Variants in TMEM35A observed in about 807,000 individuals in gnomAD.
TMEM35A encodes transmembrane protein 35A.
For synonymous variants in TMEM35A, 50 were observed against 54.7 expected (o/e 0.91, Z 0.38); for missense variants, 83 against 132.7 (o/e 0.63, Z 1.84).
chrX:101,079,404 C>T (rs762537121), intron 1 of TMEM35A, among the ~76,000 whole-genome samples: 1 of 111,618 alleles, frequency 9.0e-6, no homozygotes, highest in African/African-American at 3.2e-5. Context: ...TGCGTAGCAC[C>T]TGTCATTGGC....
chrX:101,079,274 C>A (rs2089284903), intron 1 of TMEM35A, 152 bp downstream of exon 1: 1 of 676,587 alleles, frequency 1.5e-6, no homozygotes, highest in Non-Finnish European at 2.2e-6. Flanking sequence ...TCGGAAGGAG[C>A]AGCTGGGCAA....
chrX:101,090,078 A>G (rs1207544217), intron 1 of TMEM35A, among the ~76,000 whole-genome samples: 1 of 110,913 alleles, frequency 9.0e-6, no homozygotes, highest in Non-Finnish European at 1.9e-5. Flanking sequence ...CTTGGTGTCC[A>G]TGACCTGGTC....
intron 1 of TMEM35A, among the ~76,000 whole-genome samples, chrX:101,089,587 A>G (rs1204874890): frequency 9.3e-6 from 1 of 108,044 alleles, no homozygotes; most frequent in African/African-American, 3.4e-5. Context: ...CTAAAAAAAA[A>G]AAAAAAAAAA....
intron 1 of TMEM35A, among the ~76,000 whole-genome samples, chrX:101,088,224 A>G (rs974261544): frequency 9.0e-6 from 1 of 111,235 alleles, no homozygotes; most frequent in Non-Finnish European, 1.9e-5. Context: ...AAAAAACAAA[A>G]CAACTCATCC....
At chrX:101,079,227 C>A in intron 1 of TMEM35A, 105 bp downstream of exon 1, 8 of 985,459 alleles carry the variant, frequency 8.1e-6, no homozygotes, top group Non-Finnish European at 1.1e-5. Flanking sequence ...TAGCCCCTAT[C>A]CCCACCTGGA....
chrX:101,094,496 C>T, intron 1 of TMEM35A, 77 bp from the exon 2 acceptor site: 2 of 1,052,548 alleles, frequency 1.9e-6, no homozygotes, highest in Admixed American at 6.0e-5. Context: ...GGGGAGAGGA[C>T]TCTGCTTGTG....
At chrX:101,092,705 C>CA (rs753771541) in intron 1 of TMEM35A, among the ~76,000 whole-genome samples, 920 of 85,286 alleles carry the variant, frequency 0.011, 9 homozygotes, top group African/African-American at 0.025. Flanking sequence ...ACTAAAAATA[C>CA]AAAAAAAAAA....
chrX:101,081,298 G>C (rs755208182), intron 1 of TMEM35A, among the ~76,000 whole-genome samples: 3 of 112,125 alleles, frequency 2.7e-5, no homozygotes, highest in Admixed American at 9.5e-5. Context: ...ATTGAGCATC[G>C]GGCCATAGAC....
At chrX:101,083,151 A>C (rs2089297517) in intron 1 of TMEM35A, among the ~76,000 whole-genome samples, 1 of 111,912 alleles carries the variant, frequency 8.9e-6, no homozygotes, top group Non-Finnish European at 1.9e-5. Context: ...GTATCATTAT[A>C]GAGTACTCTA....
At chrX:101,094,326 A>G (rs144475509) in intron 1 of TMEM35A, 16,609 of 251,911 alleles carry the variant, frequency 0.066, 583 homozygotes, top group Non-Finnish European at 0.085. Flanking sequence ...ATGTTGGCCA[A>G]GCTGTCTCCA....
Position 101,095,195 on chromosome X carries a change from T to C in TMEM35A, c.*239T>C. The C allele has an allele frequency of 2.7e-6, 1 of 369,076 alleles. No homozygotes were observed. The highest frequency in any genetic ancestry group is 4.6e-6 in the Non-Finnish European group (1 of 215,129). The allele number at this position is 369,076 out of a possible 1,213,427, so 30.4% of individuals were successfully genotyped here. On this transcript the variant is annotated 3_prime_UTR_variant, in exon 2 of 2. Transcript: ENST00000372930. ...ACTCTCACATCTTGCTGCATGTACATGTATACGGCTACTATTGAAGTGTAA... is the reference window on the plus strand; with the variant it reads ...ACTCTCACATCTTGCTGCATGTACACGTATACGGCTACTATTGAAGTGTAA...
At chrX:101,087,248 G>A (rs773055122) in intron 1 of TMEM35A, among the ~76,000 whole-genome samples, 24 of 112,056 alleles carry the variant, frequency 2.1e-4, no homozygotes, top group African/African-American at 7.1e-4. Context: ...GAGCCACTGC[G>A]CCCGGCCAAT....
chrX:101,094,863 C>T lies in TMEM35A; in HGVS notation c.411C>T (p.Asp137=). The change falls in exon 2 of 2, where the codon GAC becomes GAT. Residue 137 remains aspartate, a synonymous_variant. Coordinates refer to ENST00000372930, the MANE Select transcript of TMEM35A (RefSeq NM_021637.3). ...TGCTGATTGCTCGCAAGCCCGAAGA[C>T]CGGTCTTCTGAGAAGAAGCCTTTGC... The part of the protein sequence containing the change: ...CRLLIARKPE[D]RSSEKKPLPG... 2 of 1,210,418 alleles carry T rather than the reference C, an allele frequency of 1.7e-6. No homozygotes were observed. The highest frequency in any genetic ancestry group is 1.8e-5 in the South Asian group (1 of 56,965).
chrX:101,081,432 T>C (rs1235847287), intron 1 of TMEM35A: 1 of 112,326 alleles, frequency 8.9e-6, no homozygotes, highest in Non-Finnish European at 1.9e-5. Context: ...TCAATATGTA[T>C]TTGTGGAGTG....
At chrX:101,091,128 A>C (rs770916346) in intron 1 of TMEM35A, among the ~76,000 whole-genome samples, 1 of 110,457 alleles carries the variant, frequency 9.1e-6, no homozygotes, top group East Asian at 2.9e-4. Flanking sequence ...GGCGTGAGAC[A>C]CTGCACCCGG....
intron 1 of TMEM35A, among the ~76,000 whole-genome samples, chrX:101,080,035 C>T (rs1056664401): frequency 1.8e-5 from 2 of 111,792 alleles, no homozygotes; most frequent in African/African-American, 6.5e-5. Flanking sequence ...GTTTCCAGCA[C>T]TTTCGGGTCT....
At chrX:101,084,899 GAAAAAAAAC>G (rs971580409) in intron 1 of TMEM35A, among the ~76,000 whole-genome samples, 4 of 108,687 alleles carry the variant, frequency 3.7e-5, no homozygotes, top group Non-Finnish European at 7.7e-5. Context: ...AAAACAAAAA[GAAAAAAAAC>G]AAAAAAAACC....
chrX:101,087,033 T>C (rs1293659566), intron 1 of TMEM35A, among the ~76,000 whole-genome samples: 1 of 103,631 alleles, frequency 9.6e-6, no homozygotes, highest in African/African-American at 3.5e-5. Context: ...CTCGGCTCAC[T>C]GCGGCCTCTG....
intron 1 of TMEM35A, among the ~76,000 whole-genome samples, chrX:101,088,763 G>A (rs1214460816): frequency 9.1e-6 from 1 of 110,227 alleles, no homozygotes; most frequent in Non-Finnish European, 1.9e-5. Context: ...AAAATTAGCT[G>A]GATGTGGGGT....
Sources: allele counts gnomAD v4.1 joint callset (sites outside exome capture counted in the v4.1 genomes callset), GRCh38; gene constraint gnomAD v4.1.1; transcripts MANE v1.5; gene names NCBI Gene and HGNC (gene_info 2026-07-23, HGNC 2026-07-21).